Variants in ZNF154 observed in about 807,000 individuals in gnomAD.
ZNF154 encodes the protein zinc finger protein 154, also known as zinc finger protein 154 (pHZ-92).
Under a neutral mutation model 7.5 loss-of-function variants are expected in ZNF154, and 6 were observed. The ratio of observed to expected loss-of-function variants is 0.80; its 90% confidence interval spans 0.44 to 1.57. ZNF154 has a LOEUF of 1.57. Among genes scored for constraint, ZNF154 ranks in the 40% most tolerant of loss-of-function variants. The pLI is 0.01. For missense variants in ZNF154, 485 were observed against 531.4 expected, an observed-to-expected ratio of 0.91 and a Z score of 0.86; for synonymous variants, 187 against 185.9, an observed-to-expected ratio of 1.01 and a Z score of -0.05.
In ZNF154 at chr19:57,696,290, C is replaced by T. The variant is rs1984892131; in HGVS notation, c.*5345G>A. On this transcript the variant is annotated 3_prime_UTR_variant, in exon 3 of 3. Coordinates refer to ENST00000684351, the MANE Select transcript of ZNF154 (RefSeq NM_001085384.3). ...TCCATCCAAGTAGAAGCTGTGGGGT[C>T]AGGGGGTTCTAAGAAGCCCCATTTC... is the stretch of plus-strand genomic sequence containing the variant. Among the ~76,000 whole-genome samples the T allele has an allele frequency of 6.6e-6, 1 of 152,084 alleles. No homozygotes were observed. The highest frequency in any genetic ancestry group is 2.4e-5 in the African/African-American group (1 of 41,410).
chr19:57,705,732 C>T (rs1324848573), intron 1 of ZNF154, among the ~76,000 whole-genome samples: 2 of 143,272 alleles, frequency 1.4e-5, no homozygotes, highest in Non-Finnish European at 3.0e-5. Context: ...CCAGTCTGGG[C>T]GACAGAGCGA....
Position 57,701,478 on chromosome 19 carries a change from T to C in ZNF154, c.*157A>G. ...TCTCCTTCAGAGCTGTTATATCAAC[T>C]GGACATCCCTACATATCAAAAGTGT... On this transcript the variant is annotated 3_prime_UTR_variant, in exon 3 of 3. Coordinates refer to ENST00000684351, the MANE Select transcript of ZNF154 (RefSeq NM_001085384.3). The C allele has an allele frequency of 2.6e-6, 2 of 774,386 alleles. No homozygotes were observed. The highest frequency in any genetic ancestry group is 4.0e-6 in the Non-Finnish European group (2 of 494,872). 48.0% of individuals were successfully genotyped at this position (774,386 alleles called of 1,614,324 possible). A position where few individuals can be genotyped will look rare whatever the true frequency, so the allele number is the denominator to read the frequency against.
rs745921079 is a variant in ZNF154 at position 57,702,043 on chromosome 19, C to G, written c.906G>C (p.Glu302Asp). The G allele has an allele frequency of 1.4e-4, 220 of 1,613,404 alleles. No homozygotes were observed. The highest frequency in any genetic ancestry group is 1.8e-4 in the Non-Finnish European group (216 of 1,179,960). ...QKVHSGSRPY[E>D]CSECGKSFSQ... is the part of the protein sequence containing the mutation. ...TAAATGACTTCCCACATTCGCTGCACTCATAAGGCCTGGATCCACTGTGAA... is the reference window on the plus strand; with the variant it reads ...TAAATGACTTCCCACATTCGCTGCAGTCATAAGGCCTGGATCCACTGTGAA... The change falls in exon 3 of 3, where the codon GAG (glutamate) becomes GAC (aspartate). Residue 302 changes from glutamate to aspartate, a missense_variant. Transcript: ENST00000684351.
At position 57,704,540 on chromosome 19, in the gene ZNF154, A is replaced by C; in HGVS notation, c.160+313T>G. Reference sequence around the variant, plus strand: ...GGGATGGAAGTAGTAGCTGGGGCACACAGGATCCTCAAATCTGGAAAAAGT... The same window carrying C: ...GGGATGGAAGTAGTAGCTGGGGCACCCAGGATCCTCAAATCTGGAAAAAGT... On this transcript the variant is annotated intron_variant, in intron 2 of 2. Coordinates refer to ENST00000684351, the MANE Select transcript of ZNF154 (RefSeq NM_001085384.3). Among the ~76,000 whole-genome samples, 2 of 152,188 alleles carry C rather than the reference A, an allele frequency of 1.3e-5. 1 individual carries two copies. The highest frequency in any genetic ancestry group is 3.8e-4 in the East Asian group (2 of 5,198).
intron 1 of ZNF154, among the ~76,000 whole-genome samples, chr19:57,707,221 C>T (rs1471479340): frequency 6.6e-6 from 1 of 152,104 alleles, no homozygotes; most frequent in East Asian, 1.9e-4. Context: ...TTCTGAAGCA[C>T]TCCCCAGATT....
At position 57,699,962 on chromosome 19, in the gene ZNF154, G is replaced by A. The variant is rs1265359972; in HGVS notation, c.*1673C>T. ...CCCTCCAGACTGGGCAACAGAGCAA[G>A]ACTCTGACTCAAAAAAAAATAAAAA... On this transcript the variant is annotated 3_prime_UTR_variant, in exon 3 of 3. Transcript: ENST00000684351. 2 of 151,872 alleles carry A rather than the reference G, an allele frequency of 1.3e-5. No individual in the cohort carries two copies. The highest frequency in any genetic ancestry group is 2.9e-5 in the Non-Finnish European group (2 of 68,020). 9.4% of individuals were successfully genotyped at this position (151,872 alleles called of 1,614,324 possible).
At position 57,702,145 on chromosome 19, in the gene ZNF154, A is replaced by G. The variant is rs150370992; in HGVS notation, c.804T>C (p.Thr268=). The stretch of plus-strand genomic sequence containing the variant: ...CACTGCACTCATAAGGCCTCTCCCC[A>G]GTGTGAACTCCCCGATGTTGAAGGA... The part of the protein sequence containing the change: ...SALLQHRGVH[T]GERPYECSEC... Residue 268 remains threonine (T), a synonymous_variant, in exon 3 of 3, where the codon ACT becomes ACC. Coordinates refer to ENST00000684351, the MANE Select transcript of ZNF154 (RefSeq NM_001085384.3). The G allele has an allele frequency of 1.1e-3, 1,804 of 1,613,712 alleles. 20 individuals carry two copies. In the African/African-American group the frequency reaches 0.021, roughly 19 times the overall value.
In ZNF154 at chr19:57,699,436, T is replaced by C; in HGVS notation, c.*2199A>G. 3.1e-6 allele frequency: 1 copy of C among 323,196 alleles called. No individual in the cohort carries two copies. The highest frequency in any genetic ancestry group is 6.3e-6 in the Non-Finnish European group (1 of 157,694). 20.0% of individuals were successfully genotyped at this position (323,196 alleles called of 1,614,324 possible). A position where few individuals can be genotyped will look rare whatever the true frequency, so the allele number is the denominator to read the frequency against. The stretch of plus-strand genomic sequence containing the variant: ...TGGGTCGTAAAGCAGCAGAGACAAC[T>C]CACGATATAAACACATTTGGCCCAG... On this transcript the variant is annotated 3_prime_UTR_variant, in exon 3 of 3. Transcript: ENST00000684351.
In ZNF154 at chr19:57,696,364, C is replaced by T. The variant is rs1193520096; in HGVS notation, c.*5271G>A. Among the ~76,000 whole-genome samples the T allele has an allele frequency of 6.6e-6, 1 of 152,150 alleles. No homozygotes were observed. The highest frequency in any genetic ancestry group is 1.5e-5 in the Non-Finnish European group (1 of 68,024). Reference sequence around the variant, plus strand: ...TGCCTGGATCAGGTAAATGATAAGGCATCAACTCACTAGGTGCTGGGGATA... The same window carrying T: ...TGCCTGGATCAGGTAAATGATAAGGTATCAACTCACTAGGTGCTGGGGATA... On this transcript the variant is annotated 3_prime_UTR_variant, in exon 3 of 3. Coordinates refer to ENST00000684351, the MANE Select transcript of ZNF154 (RefSeq NM_001085384.3).
rs535458702 is a variant in ZNF154, at chr19:57,709,126, C to T, written c.-155G>A. The T allele has an allele frequency of 1.7e-4, 171 of 1,000,674 alleles. 1 individual carries two copies. The Middle Eastern group carries it at 4.2e-3, about 25-fold the overall frequency. 62.0% of individuals were successfully genotyped at this position (1,000,674 alleles called of 1,614,324 possible). ...GCAGGAGGGACGACGACTCCCCTCACGCCTTCGTGGCCCCAACTCGGCGCT... is the reference window on the plus strand; with the variant it reads ...GCAGGAGGGACGACGACTCCCCTCATGCCTTCGTGGCCCCAACTCGGCGCT... On this transcript the variant is annotated 5_prime_UTR_variant, in exon 1 of 3. In the 5' UTR this introduces an upstream ATG that the reference lacks. Transcript: ENST00000684351.
chr19:57,702,708 T>C lies in ZNF154; in HGVS notation c.241A>G (p.Thr81Ala). The C allele has an allele frequency of 6.2e-7, 1 of 1,613,608 alleles. No individual in the cohort carries two copies. Among genetic ancestry groups the C allele is most frequent in the Non-Finnish European group, 8.5e-7 (1 of 1,179,682 alleles). The change falls in exon 3 of 3, where the codon ACA (threonine) becomes GCA (alanine). Residue 81 changes from threonine to alanine, a missense_variant. Thr to Ala is a moderately conservative substitution (Grantham distance 58). Transcript: ENST00000684351. ...VGRALFVKTC[T>A]FHVSGEPSTC... The stretch of plus-strand genomic sequence containing the variant: ...GAAGGCTCCCCTGACACATGGAATG[T>C]GCAGGTCTTCACAAACAAGGCTCTG...
At chr19:57,703,577 A>G (rs891942785) in intron 2 of ZNF154, among the ~76,000 whole-genome samples, 1 of 151,268 alleles carries the variant, frequency 6.6e-6, no homozygotes, top group African/African-American at 2.4e-5. Flanking sequence ...AGAGAGAGGC[A>G]GGGTCTAAAA....
In ZNF154 at chr19:57,702,062, C is replaced by T. The variant is rs1370700558; in HGVS notation, c.887G>A (p.Ser296Asn). 1 of 1,612,414 alleles carries T rather than the reference C, an allele frequency of 6.2e-7. No homozygotes were observed. The highest frequency in any genetic ancestry group is 8.5e-7 in the Non-Finnish European group (1 of 1,179,790). Residue 296 changes from serine (S) to asparagine (N), a missense_variant, in exon 3 of 3, where the codon AGT (serine) becomes AAT (asparagine). Physicochemically the swap from Ser to Asn is conservative, Grantham distance 46. Transcript: ENST00000684351. Reference sequence around the variant, plus strand: ...GCTGCACTCATAAGGCCTGGATCCACTGTGAACTTTCTGGTGTTTTATGAG... The same window carrying T: ...GCTGCACTCATAAGGCCTGGATCCATTGTGAACTTTCTGGTGTTTTATGAG... ...SSLIKHQKVH[S>N]GSRPYECSEC...
Position 57,701,623 on chromosome 19 carries a change from C to G in ZNF154, c.*12G>C. 6.2e-7 allele frequency: 1 copy of G among 1,606,202 alleles called. No individual in the cohort carries two copies. The highest frequency in any genetic ancestry group is 8.5e-7 in the Non-Finnish European group (1 of 1,174,336). ...GCTAACAGATTTTCCACATTTGCCA[C>G]TCATAAGGCTTTTATCGACTATGAA... is the stretch of plus-strand genomic sequence containing the variant. On this transcript the variant is annotated 3_prime_UTR_variant, in exon 3 of 3. Coordinates refer to ENST00000684351, the MANE Select transcript of ZNF154 (RefSeq NM_001085384.3).
At position 57,698,330 on chromosome 19, in the gene ZNF154, C is replaced by T. The variant is rs781412264; in HGVS notation, c.*3305G>A. 7 of 152,170 alleles carry T rather than the reference C, an allele frequency of 4.6e-5. No individual in the cohort carries two copies. The highest frequency in any genetic ancestry group is 7.3e-5 in the Non-Finnish European group (5 of 68,028). The allele number at this position is 152,170 out of a possible 1,614,324, so 9.4% of individuals were successfully genotyped here. A position where few individuals can be genotyped will look rare whatever the true frequency, so the allele number is the denominator to read the frequency against. ...CAATGAGGTAACTTGTGGAATGACACGTTCATTGTCATGATTGTGAAGAAA... is the reference window on the plus strand; with the variant it reads ...CAATGAGGTAACTTGTGGAATGACATGTTCATTGTCATGATTGTGAAGAAA... On this transcript the variant is annotated 3_prime_UTR_variant, in exon 3 of 3. Coordinates refer to ENST00000684351, the MANE Select transcript of ZNF154 (RefSeq NM_001085384.3).
intron 2 of ZNF154, among the ~76,000 whole-genome samples, chr19:57,703,130 G>A (rs751741454): frequency 3.3e-4 from 50 of 152,174 alleles, no homozygotes; most frequent in Non-Finnish European, 5.6e-4. Flanking sequence ...CCATGGGATC[G>A]TTTGCATGAC....
In ZNF154 at chr19:57,698,405, G is replaced by T. The variant is rs1284690962; in HGVS notation, c.*3230C>A. ...ACATTTTATTTTCTACATTCTTGAG[G>T]TTATTCGTGGCCACTGTATCAGTAT... On this transcript the variant is annotated 3_prime_UTR_variant, in exon 3 of 3. Transcript: ENST00000684351. 1.3e-5 allele frequency: 2 copies of T among 152,118 alleles called. No individual in the cohort carries two copies. The highest frequency in any genetic ancestry group is 6.5e-5 in the Admixed American group (1 of 15,276). The allele number at this position is 152,118 out of a possible 1,614,324, so 9.4% of individuals were successfully genotyped here.
rs900741939 is a variant in ZNF154 at position 57,698,430 on chromosome 19, T to C, written c.*3205A>G. 1.3e-5 allele frequency: 2 copies of C among 152,224 alleles called. No individual in the cohort carries two copies. Among genetic ancestry groups the C allele is most frequent in the African/African-American group, 4.8e-5 (2 of 41,468 alleles). 9.4% of individuals were successfully genotyped at this position (152,224 alleles called of 1,614,324 possible). ...GTTATTCGTGGCCACTGTATCAGTA[T>C]GGTAGAAACAGAATATATTAGGATG... On this transcript the variant is annotated 3_prime_UTR_variant, in exon 3 of 3. Transcript: ENST00000684351.
rs1568459869 is a variant in ZNF154, at chr19:57,698,054, C to T, written c.*3581G>A. On this transcript the variant is annotated 3_prime_UTR_variant, in exon 3 of 3. Coordinates refer to ENST00000684351, the MANE Select transcript of ZNF154 (RefSeq NM_001085384.3). ...AAAAAACTACTCAAAATATCCATAA[C>T]AAATGAATGAATGAATAAACGAATA... is the stretch of plus-strand genomic sequence containing the variant. 1.3e-5 allele frequency: 2 copies of T among 151,928 alleles called. No homozygotes were observed. The highest frequency in any genetic ancestry group is 2.9e-5 in the Non-Finnish European group (2 of 67,950). 9.4% of individuals were successfully genotyped at this position (151,928 alleles called of 1,614,324 possible).
Sources: gnomAD v4.1 joint callset for allele counts (sites outside exome capture counted in the v4.1 genomes callset) on GRCh38, gnomAD v4.1.1 for gene constraint, MANE v1.5 for transcripts, NCBI Gene and HGNC (gene_info 2026-07-23, HGNC 2026-07-21) for gene names.